TM7SF3: variants seen among roughly 807,000 people sequenced by gnomAD.
TM7SF3 encodes seven span transmembrane protein.
Under a neutral mutation model 65.5 loss-of-function variants are expected in TM7SF3, and 60 were observed. The observed-to-expected ratio is 0.92, with a 90% confidence interval of 0.74 to 1.14. The LOEUF (loss-of-function observed/expected upper bound fraction) is 1.14, where lower values mean the gene tolerates loss of function less well. TM7SF3 is among the 50% of genes most tolerant of loss of function. The pLI is 0.00. For synonymous variants in TM7SF3, 264 were observed against 259.6 expected (o/e 1.02, Z -0.16); for missense variants, 623 against 684.8 (o/e 0.91, Z 1.01).
At chr12:26,983,075 G>A (rs1205114201) in intron 6 of TM7SF3, among the ~76,000 whole-genome samples, 3 of 152,070 alleles carry the variant, frequency 2.0e-5, no homozygotes, top group Non-Finnish European at 4.4e-5. Context: ...AACAAAAAGA[G>A]AATCCAGACA....
intron 9 of TM7SF3, chr12:26,977,952 C>G (rs1182595945): frequency 3.9e-6 from 1 of 257,014 alleles, no homozygotes; most frequent in Non-Finnish European, 8.0e-6. Flanking sequence ...AAAAGCTTAC[C>G]AGGCATGGCA....
Position 26,972,757 on chromosome 12 carries a change from T to G in TM7SF3, c.*1208A>C, listed in dbSNP as rs905396236. ...GAGCCACCGCACCTGGTCGGCAATA[T>G]AGATTAAGGTGGGGGTTATTTCCTA... On this transcript the variant is annotated 3_prime_UTR_variant, in exon 12 of 12. Transcript: ENST00000343028. Among the ~76,000 whole-genome samples, 2 of 151,876 alleles carry G rather than the reference T, an allele frequency of 1.3e-5. No homozygotes were observed. The highest frequency in any genetic ancestry group is 4.8e-5 in the African/African-American group (2 of 41,320).
At chr12:26,976,494 T>C (rs1939572440) in intron 9 of TM7SF3, 137 bp from the exon 10 acceptor site, 1 of 631,394 alleles carries the variant, frequency 1.6e-6, no homozygotes. Flanking sequence ...TAGAAATGAA[T>C]TCTAATTTTC....
chr12:27,013,751 G>A (rs1288874490), intron 1 of TM7SF3, among the ~76,000 whole-genome samples: 2 of 152,182 alleles, frequency 1.3e-5, no homozygotes, highest in African/African-American at 4.8e-5. Context: ...AGTCCACTGG[G>A]CAGCAAAGAG....
At position 27,003,342 on chromosome 12, in the gene TM7SF3, C is replaced by G; in HGVS notation, c.140G>C (p.Arg47Thr). ...VGKFRYFELN[R>T]PFPEEAILHD... is the part of the protein sequence containing the mutation. ...CAAAATAGCTTCCTCTGGAAAGGGC[C>G]TATTGAGCTCGAAGTATCTAAATTT... Residue 47 changes from arginine (R) to threonine (T), a missense_variant, in exon 2 of 12, where the codon AGG (arginine) becomes ACG (threonine). By Grantham distance (71) the Arg-to-Thr change is moderately conservative. Coordinates refer to ENST00000343028, the MANE Select transcript of TM7SF3 (RefSeq NM_016551.3). 6.2e-7 allele frequency: 1 copy of G among 1,613,356 alleles called. No individual in the cohort carries two copies. Among genetic ancestry groups the G allele is most frequent in the South Asian group, 1.1e-5 (1 of 90,916 alleles).
chr12:26,995,150 G>T (rs565655578), intron 5 of TM7SF3, 87 bp downstream of exon 5: 117 of 1,357,760 alleles, frequency 8.6e-5, no homozygotes, highest in Non-Finnish European at 1.1e-4. Flanking sequence ...AAAGAGTAAA[G>T]AAATAAGATC....
chr12:26,978,222 A>T (rs1490478459), intron 9 of TM7SF3: 1 of 209,952 alleles, frequency 4.8e-6, no homozygotes, highest in Non-Finnish European at 1.0e-5. Context: ...TATTTTTACC[A>T]ATAGGAATAG....
intron 4 of TM7SF3, 52 bp downstream of exon 4, chr12:26,996,690 T>C (rs905883383): frequency 1.3e-6 from 2 of 1,554,282 alleles, no homozygotes; most frequent in Non-Finnish European, 1.7e-6. Context: ...TCTACACAAC[T>C]GTCGTCATGT....
intron 5 of TM7SF3, among the ~76,000 whole-genome samples, chr12:26,992,685 C>T (rs1025092269): frequency 5.9e-5 from 9 of 152,172 alleles, no homozygotes; most frequent in Non-Finnish European, 8.8e-5. Context: ...TAAGCAGGAG[C>T]GATGGCTCAC....
intron 9 of TM7SF3, among the ~76,000 whole-genome samples, chr12:26,977,778 G>C (rs967207791): frequency 6.6e-6 from 1 of 151,034 alleles, no homozygotes; most frequent in Non-Finnish European, 1.5e-5. Context: ...GTGTGTGTGT[G>C]TGTGTGTGTG....
intron 2 of TM7SF3, 105 bp from the exon 3 acceptor site, chr12:26,999,781 T>C (rs867504687): frequency 3.3e-6 from 4 of 1,195,676 alleles, no homozygotes; most frequent in Middle Eastern, 2.1e-4. Context: ...CCAAAACAAA[T>C]AGAAAAAAAA....
At position 26,972,036 on chromosome 12, in the gene TM7SF3, G is replaced by T. The variant is rs77656594; in HGVS notation, c.*1929C>A. 6.6e-6 allele frequency: 1 copy of T among 152,150 alleles called. No individual in the cohort carries two copies. The highest frequency in any genetic ancestry group is 1.5e-5 in the Non-Finnish European group (1 of 68,028). The allele number at this position is 152,150 out of a possible 1,614,324, so 9.4% of individuals were successfully genotyped here. A position where few individuals can be genotyped will look rare whatever the true frequency, so the allele number is the denominator to read the frequency against. On this transcript the variant is annotated 3_prime_UTR_variant, in exon 12 of 12. Transcript: ENST00000343028. Reference sequence around the variant, plus strand: ...TTTAAATAGTGGTTAACTCATAAACGTGTATGCAACAACATTCCACAACCC... The same window carrying T: ...TTTAAATAGTGGTTAACTCATAAACTTGTATGCAACAACATTCCACAACCC...
chr12:26,997,089 G>T (rs1940630778), intron 3 of TM7SF3, among the ~76,000 whole-genome samples: 1 of 152,150 alleles, frequency 6.6e-6, no homozygotes, highest in African/African-American at 2.4e-5. Context: ...TCTGTAAAAG[G>T]CCTAATAGTA....
In TM7SF3 at chr12:27,007,730, C is replaced by A. The variant is rs565328531; in HGVS notation, c.92-4340G>T. Among the ~76,000 whole-genome samples, 968 of 152,282 alleles carry A rather than the reference C, an allele frequency of 6.4e-3. 8 individuals are homozygous for A. Among genetic ancestry groups the A allele is most frequent in the Middle Eastern group, 0.02 (6 of 294 alleles). ...TAGCATCTTAGTGGTCCCCCTGTGG[C>A]CCCTCCCAATCACATCTTCTTTCCT... On this transcript the variant is annotated intron_variant, in intron 1 of 11. Coordinates refer to ENST00000343028, the MANE Select transcript of TM7SF3 (RefSeq NM_016551.3).
intron 7 of TM7SF3, among the ~76,000 whole-genome samples, chr12:26,981,671 C>T (rs940135359): frequency 6.6e-6 from 1 of 152,136 alleles, no homozygotes; most frequent in African/African-American, 2.4e-5. Flanking sequence ...AAAGGAGTTG[C>T]TATTTCAAAC....
chr12:26,976,160 C>A, intron 10 of TM7SF3, 100 bp downstream of exon 10: 1 of 896,356 alleles, frequency 1.1e-6, no homozygotes, highest in Non-Finnish European at 1.8e-6. Context: ...GTAACACAGC[C>A]CTCCCCAGTG....
At chr12:27,004,754 CTT>C (rs1491470218) in intron 1 of TM7SF3, among the ~76,000 whole-genome samples, 3 of 152,062 alleles carry the variant, frequency 2.0e-5, no homozygotes, top group East Asian at 1.9e-4. Context: ...ACATTCATAA[CTT>C]AATGTTTTTT....
At chr12:26,987,920 C>T (rs1214530616) in intron 6 of TM7SF3, among the ~76,000 whole-genome samples, 5 of 152,126 alleles carry the variant, frequency 3.3e-5, no homozygotes, top group Non-Finnish European at 2.9e-5. Context: ...AAGGACACAT[C>T]ACTTCCTTTG....
In TM7SF3 at chr12:26,971,649, T is replaced by G. The variant is rs1939366206; in HGVS notation, c.*2316A>C. The G allele has an allele frequency of 1.3e-5, 2 of 152,234 alleles. No homozygotes were observed. The highest frequency in any genetic ancestry group is 2.9e-5 in the Non-Finnish European group (2 of 68,032). The allele number at this position is 152,234 out of a possible 1,614,324, so 9.4% of individuals were successfully genotyped here. On this transcript the variant is annotated 3_prime_UTR_variant, in exon 12 of 12. Transcript: ENST00000343028. Reference sequence around the variant, plus strand: ...TATCACTCACAAATGATGAAAAATTTTAAACAATTAGTATCCTCCCTCCAA... The same window carrying G: ...TATCACTCACAAATGATGAAAAATTGTAAACAATTAGTATCCTCCCTCCAA...
Sources: gnomAD v4.1 joint callset for allele counts (sites outside exome capture counted in the v4.1 genomes callset) on GRCh38, gnomAD v4.1.1 for gene constraint, MANE v1.5 for transcripts, NCBI Gene and HGNC (gene_info 2026-07-23, HGNC 2026-07-21) for gene names.